Variants in KCNIP1 observed in about 807,000 individuals in gnomAD.
KCNIP1 encodes A-type potassium channel modulatory protein KCNIP1.
Under a neutral mutation model 33.0 loss-of-function variants are expected in KCNIP1, and 18 were observed. That is an observed-to-expected ratio of 0.55 (90% CI 0.38 to 0.81). The LOEUF (loss-of-function observed/expected upper bound fraction) is 0.81. KCNIP1 is among the 30% of genes least tolerant of loss of function. KCNIP1 has a pLI of 0.00. For synonymous variants in KCNIP1, 93 were observed against 98.3 expected (o/e 0.95, Z 0.32); for missense variants, 238 against 271.6 (o/e 0.88, Z 0.87).
chr5:170,707,770 A>G (rs1445648181), intron 1 of KCNIP1, among the ~76,000 whole-genome samples: 1 of 152,180 alleles, frequency 6.6e-6, no homozygotes, highest in Non-Finnish European at 1.5e-5. Flanking sequence ...ATCTAATGGA[A>G]GCAGAAACAC....
chr5:170,510,350 TGGATGCTGGCG>T (rs1199509976), intron 1 of KCNIP1, among the ~76,000 whole-genome samples: 1 of 152,204 alleles, frequency 6.6e-6, no homozygotes, highest in Non-Finnish European at 1.5e-5. Flanking sequence ...CCAGGCTTGA[TGGATGCTGGCG>T]GCATGGAGGT....
rs1352051702 is a variant in KCNIP1, at chr5:170,476,549, TTAAAAAA to T, written c.88+122588_88+122594del. Among the ~76,000 whole-genome samples, 18 of 152,330 alleles carry T rather than the reference TTAAAAAA, an allele frequency of 1.2e-4. No individual in the cohort carries two copies. In the East Asian group the frequency reaches 1.9e-3, roughly 16 times the overall value. On this transcript the variant is annotated intron_variant, in intron 1 of 7. Transcript: ENST00000377360. ...TGAATAGAAAAATTTTTGTTTAGCC[TTAAAAAA>T]TAGCAGTATGACAATTTGTCTTGAA...
intron 1 of KCNIP1, among the ~76,000 whole-genome samples, chr5:170,673,464 T>C (rs1762000551): frequency 6.6e-6 from 1 of 152,276 alleles, no homozygotes; most frequent in African/African-American, 2.4e-5. Context: ...CCATGGTTCC[T>C]GTTTCACAGA....
chr5:170,540,977 G>A (rs1391789134), intron 1 of KCNIP1, among the ~76,000 whole-genome samples: 2 of 152,156 alleles, frequency 1.3e-5, no homozygotes, highest in African/African-American at 2.4e-5. Context: ...CTGCCTCAGC[G>A]ATCTCATCTA....
chr5:170,466,186 G>A (rs980797032), intron 1 of KCNIP1, among the ~76,000 whole-genome samples: 3 of 152,174 alleles, frequency 2.0e-5, no homozygotes, highest in Non-Finnish European at 4.4e-5. Context: ...GGTAGAGAGA[G>A]AGAAGGCAAT....
intron 1 of KCNIP1, among the ~76,000 whole-genome samples, chr5:170,393,799 T>G (rs934080150): frequency 3.9e-5 from 6 of 152,172 alleles, no homozygotes; most frequent in African/African-American, 1.4e-4. Context: ...TTCACCATAT[T>G]TTCCCTTGGC....
chr5:170,588,993 CTTCT>C (rs1418045531), intron 1 of KCNIP1, among the ~76,000 whole-genome samples: 1 of 127,020 alleles, frequency 7.9e-6, no homozygotes, highest in Non-Finnish European at 1.7e-5. Context: ...CTCATACTTA[CTTCT>C]TTTTTTTTTT....
At chr5:170,676,491 C>A (rs1279899589) in intron 1 of KCNIP1, among the ~76,000 whole-genome samples, 1 of 152,196 alleles carries the variant, frequency 6.6e-6, no homozygotes, top group Non-Finnish European at 1.5e-5. Context: ...GGAGTTCTTT[C>A]ATTTCTTTCG....
rs1754634200 is a variant in KCNIP1, at chr5:170,504,622, G to A, written c.50G>A (p.Arg17Gln). 2 of 1,613,738 alleles carry A rather than the reference G, an allele frequency of 1.2e-6. No individual in the cohort carries two copies. The highest frequency in any genetic ancestry group is 2.2e-5 in the South Asian group (2 of 91,072). ...TFSSLQTKQR[R>Q]PSKDKIEDEL... Reference sequence around the variant, plus strand: ...TCATCTCTGCAAACCAAACAAAGGCGACCCTCGAAAGGTAAGCCACCTTCT... The same window carrying A: ...TCATCTCTGCAAACCAAACAAAGGCAACCCTCGAAAGGTAAGCCACCTTCT... Residue 17 changes from arginine (R) to glutamine (Q), a missense_variant, in exon 1 of 8, where the codon CGA becomes CAA. By Grantham distance (43) the Arg-to-Gln change is conservative. Transcript: ENST00000328939. This position sits in a 1 kb window ranked among gnomAD's most constrained non-coding sequence, Gnocchi z 6.0.
chr5:170,377,148 G>C (rs1280815838), intron 1 of KCNIP1: 2 of 152,282 alleles, frequency 1.3e-5, no homozygotes, highest in Non-Finnish European at 2.9e-5. Context: ...CTGCCGAATG[G>C]TCACTCACCT....
chr5:170,600,330 G>T (rs942503377), intron 1 of KCNIP1, among the ~76,000 whole-genome samples: 32 of 152,182 alleles, frequency 2.1e-4, no homozygotes, highest in African/African-American at 7.0e-4. Flanking sequence ...AACACATCAT[G>T]CTGTATTTAG....
chr5:170,594,244 C>G (rs1459251547), intron 1 of KCNIP1, among the ~76,000 whole-genome samples: 2 of 152,176 alleles, frequency 1.3e-5, no homozygotes, highest in Non-Finnish European at 2.9e-5. Flanking sequence ...CTCTTCCTTC[C>G]TGATAAATCA....
chr5:170,542,765 TATA>T (rs1277853882), intron 1 of KCNIP1, among the ~76,000 whole-genome samples: 2 of 152,166 alleles, frequency 1.3e-5, no homozygotes, highest in African/African-American at 4.8e-5. Flanking sequence ...CACAATATAG[TATA>T]ATAAAAGTTA....
chr5:170,387,985 G>T (rs1436239908), intron 1 of KCNIP1, among the ~76,000 whole-genome samples: 1 of 152,146 alleles, frequency 6.6e-6, no homozygotes, highest in South Asian at 2.1e-4. Flanking sequence ...TCGCACCTGT[G>T]GGGGCTTCCT....
intron 1 of KCNIP1, among the ~76,000 whole-genome samples, chr5:170,515,711 A>G (rs145858866): frequency 2.0e-5 from 3 of 152,330 alleles, no homozygotes; most frequent in African/African-American, 7.2e-5. Context: ...CCAGGATTCG[A>G]ACCCAGATGG....
At position 170,398,732 on chromosome 5, in the gene KCNIP1, C is replaced by T. The variant is rs372876262; in HGVS notation, c.88+44768C>T. 5.9e-5 allele frequency among the ~76,000 whole-genome samples: 9 copies of T among 152,198 alleles called. No homozygotes were observed. In the South Asian group the frequency reaches 6.2e-4, roughly 10 times the overall value. ...TGCTCTAAGTGGTTCAGGTCAGGAC[C>T]GGCTCCAGGGGCTGAATGCCCCACC... On this transcript the variant is annotated intron_variant, in intron 1 of 7. Transcript: ENST00000377360.
intron 1 of KCNIP1, among the ~76,000 whole-genome samples, chr5:170,634,531 A>T (rs1760209355): frequency 6.6e-6 from 1 of 152,202 alleles, no homozygotes; most frequent in Non-Finnish European, 1.5e-5. Context: ...TTCAAAAGAG[A>T]GATCCTGGCA....
intron 1 of KCNIP1, among the ~76,000 whole-genome samples, chr5:170,478,727 C>G (rs76870336): frequency 0.015 from 2,322 of 151,798 alleles, 50 homozygotes; most frequent in East Asian, 0.052. Context: ...CTTGTATGCT[C>G]TAAAGAAAAA....
intron 1 of KCNIP1, among the ~76,000 whole-genome samples, chr5:170,699,556 G>GAA (rs35103942): frequency 1.3e-4 from 15 of 111,860 alleles, no homozygotes; most frequent in Non-Finnish European, 1.8e-4. Context: ...ATTGCTCTGT[G>GAA]AAAAAAAAAA....
Sources: gnomAD v4.1 joint callset for allele counts (sites outside exome capture counted in the v4.1 genomes callset) on GRCh38, gnomAD v4.1.1 for gene constraint, Gnocchi (gnomAD v3.1) non-coding constraint, MANE v1.5 for transcripts, NCBI Gene and HGNC (gene_info 2026-07-23, HGNC 2026-07-21) for gene names.